FGF17: variants seen among roughly 807,000 people sequenced by gnomAD.
The protein encoded by FGF17 is fibroblast growth factor 17.
In FGF17, 5 loss-of-function variants were observed where a neutral mutation model predicts 23.5. That is an observed-to-expected ratio of 0.21 (90% CI 0.11 to 0.45). The LOEUF is 0.45. FGF17 is among the 20% of genes least tolerant of loss of function. The pLI is 0.99. For synonymous variants in FGF17, 136 were observed against 123.0 expected (o/e 1.11, Z -0.70); for missense variants, 221 against 306.9 (o/e 0.72, Z 2.09).
Position 22,044,924 on chromosome 8 carries a change from G to A in FGF17, c.73-1190G>A, listed in dbSNP as rs892945839. 19 of 985,496 alleles carry A rather than the reference G, an allele frequency of 1.9e-5. No homozygotes were observed. The African/African-American group carries it at 3.1e-4, about 16-fold the overall frequency. 61.0% of individuals were successfully genotyped at this position (985,496 alleles called of 1,614,324 possible). On this transcript the variant is annotated intron_variant, in intron 2 of 4. Transcript: ENST00000359441. ...TCCAGATGGCTGAGGTTGGGCCTGG[G>A]ATAAAGGTGGAATTAGGGATTTGGG...
At chr8:22,040,884 C>T (rs1800726607), upstream of FGF17, among the ~76,000 whole-genome samples, 1 of 152,148 alleles carries the variant, frequency 6.6e-6, no homozygotes, top group South Asian at 2.1e-4. Flanking sequence ...CCAGAGCTGC[C>T]AGAAGAGGCA....
chr8:22,040,981 A>G (rs1800728315), upstream of FGF17, among the ~76,000 whole-genome samples: 1 of 152,200 alleles, frequency 6.6e-6, no homozygotes, highest in Non-Finnish European at 1.5e-5. Flanking sequence ...AGAGGTGGGC[A>G]CGCGGGCACC....
rs1800863859 is a variant in FGF17, at chr8:22,046,264, G to A, written c.223G>A (p.Ala75Thr). Residue 75 changes from alanine to threonine, a missense_variant, in exon 3 of 5, where the codon GCC (alanine) becomes ACC (threonine). Coordinates refer to ENST00000359441, the MANE Select transcript of FGF17 (RefSeq NM_003867.4). ...HVQVTGRRIS[A>T]TAEDGNKFAK... Reference sequence around the variant, plus strand: ...GCAGGTCACCGGGCGTCGCATCTCCGCCACCGCCGAGGACGGCAACAAGTT... The same window carrying A: ...GCAGGTCACCGGGCGTCGCATCTCCACCACCGCCGAGGACGGCAACAAGTT... 1 of 1,613,612 alleles carries A rather than the reference G, an allele frequency of 6.2e-7. No individual in the cohort carries two copies. The highest frequency in any genetic ancestry group is 8.5e-7 in the Non-Finnish European group (1 of 1,179,916).
chr8:22,047,284 G>C (rs146605194), intron 4 of FGF17, among the ~76,000 whole-genome samples: 1 of 152,166 alleles, frequency 6.6e-6, no homozygotes, highest in Non-Finnish European at 1.5e-5. Context: ...ACAGATGTAA[G>C]ACAGGAACTC....
intron 2 of FGF17, chr8:22,044,595 T>C (rs374271421): frequency 5.3e-5 from 41 of 767,942 alleles, no homozygotes; most frequent in Middle Eastern, 1.3e-3. Context: ...GAGGCGGGGC[T>C]GGGATAGGCA....
At position 22,042,901 on chromosome 8, in the gene FGF17, G is replaced by T. The variant is rs758939428; in HGVS notation, c.-28G>T. The T allele has an allele frequency of 1.9e-6, 3 of 1,612,846 alleles. No homozygotes were observed. The highest frequency in any genetic ancestry group is 2.5e-6 in the Non-Finnish European group (3 of 1,179,560). On this transcript the variant is annotated 5_prime_UTR_variant, in exon 1 of 5. Coordinates refer to ENST00000359441, the MANE Select transcript of FGF17 (RefSeq NM_003867.4). ...CTGCTCCTGAGCTTGGGGGCAGGGG[G>T]GCAACCGCCTGAGGAACCTCTCCAG... is the stretch of plus-strand genomic sequence containing the variant.
chr8:22,047,948 T>G lies in FGF17; in HGVS notation c.358-8T>G. On this transcript the variant is annotated splice_polypyrimidine_tract_variant and splice_region_variant and intron_variant, in intron 4 of 4. Transcript: ENST00000359441. ...CAAATGCCCTTCCTGTCCTTGCTTC[T>G]CCCGCAGCCCAGCGGGAAGAGCAAA... 1.3e-6 allele frequency: 2 copies of G among 1,595,590 alleles called. No homozygotes were observed. Among genetic ancestry groups the G allele is most frequent in the Non-Finnish European group, 1.7e-6 (2 of 1,165,318 alleles).
chr8:22,045,497 G>A (rs1449526610), intron 2 of FGF17: 1 of 989,314 alleles, frequency 1.0e-6, no homozygotes. Context: ...GGAAGAAGAT[G>A]GGTATGAGCT....
chr8:22,043,615 G>C (rs934962373), intron 2 of FGF17, among the ~76,000 whole-genome samples: 4 of 152,142 alleles, frequency 2.6e-5, no homozygotes, highest in Non-Finnish European at 4.4e-5. Context: ...TGGGGTGGGG[G>C]TCTCGTGAGC....
upstream of FGF17, chr8:22,042,662 C>T (rs555665176): frequency 1.2e-3 from 721 of 598,724 alleles, no homozygotes; most frequent in Non-Finnish European, 1.7e-3. Context: ...GGGCACAGCG[C>T]GCACGCCCCC....
intron 2 of FGF17, chr8:22,044,802 G>C (rs2129663763): frequency 1.0e-6 from 1 of 985,558 alleles, no homozygotes; most frequent in East Asian, 1.1e-4. Flanking sequence ...AGCTCTGAGA[G>C]CTGCTCCCTC....
At chr8:22,047,843 C>T (rs1800971874) in intron 4 of FGF17, 113 bp from the exon 5 acceptor site, 10 of 1,054,152 alleles carry the variant, frequency 9.5e-6, no homozygotes, top group African/African-American at 1.6e-5. Context: ...CCTGGGCTCA[C>T]GGCCCCGTTG....
Position 22,046,298 on chromosome 8 carries a change from G to A in FGF17, c.250+7G>A, listed in dbSNP as rs200194065. On this transcript the variant is annotated splice_region_variant and intron_variant, in intron 3 of 4. Transcript: ENST00000359441. Reference sequence around the variant, plus strand: ...GAGGACGGCAACAAGTTTGGTGAGAGTTGGCCCTCCCCCCAGGGCACCCAC... The same window carrying A: ...GAGGACGGCAACAAGTTTGGTGAGAATTGGCCCTCCCCCCAGGGCACCCAC... The A allele has an allele frequency of 1.4e-4, 226 of 1,611,804 alleles. 1 individual carries two copies. The highest frequency in any genetic ancestry group is 1.3e-3 in the Middle Eastern group (8 of 6,044).
intron 2 of FGF17, chr8:22,045,247 T>C: frequency 1.0e-6 from 1 of 985,548 alleles, no homozygotes; most frequent in African/African-American, 1.7e-5. Flanking sequence ...GGCGGGCGCA[T>C]CCCACCAACT....
intron 3 of FGF17, 106 bp from the exon 4 acceptor site, chr8:22,046,421 C>A: frequency 3.5e-6 from 5 of 1,415,152 alleles, no homozygotes; most frequent in Non-Finnish European, 4.9e-6. Flanking sequence ...GTGTCCCCAA[C>A]CCCTTCGCCT....
intron 2 of FGF17, among the ~76,000 whole-genome samples, chr8:22,044,229 G>T (rs1800805995): frequency 6.6e-6 from 1 of 152,152 alleles, no homozygotes; most frequent in South Asian, 2.1e-4. Context: ...AGGACTCAGG[G>T]AAGGTGGCAA....
At chr8:22,045,135 T>G in intron 2 of FGF17, 1 of 985,462 alleles carries the variant, frequency 1.0e-6, no homozygotes, top group Non-Finnish European at 1.2e-6. Flanking sequence ...GCCTTACAGA[T>G]GGGTAACGAG....
chr8:22,045,115 C>T, intron 2 of FGF17: 8 of 985,586 alleles, frequency 8.1e-6, no homozygotes, highest in Non-Finnish European at 9.6e-6. Context: ...TACTCAGTCT[C>T]TCCCACTCAG....
At chr8:22,040,260 T>C, upstream of FGF17, among the ~76,000 whole-genome samples, 1 of 152,198 alleles carries the variant, frequency 6.6e-6, no homozygotes, top group East Asian at 1.9e-4. Context: ...CTGGTAGCCA[T>C]TTCCTTTTTA....
Sources: gnomAD v4.1 joint callset for allele counts (sites outside exome capture counted in the v4.1 genomes callset) on GRCh38, gnomAD v4.1.1 for gene constraint, MANE v1.5 for transcripts, NCBI Gene and HGNC (gene_info 2026-07-23, HGNC 2026-07-21) for gene names.